SUMF1: variants seen among roughly 807,000 people sequenced by gnomAD.
SUMF1 encodes the protein formylglycine-generating enzyme.
A neutral mutation model predicts 47.6 loss-of-function variants in SUMF1; 48 were observed. The observed-to-expected ratio is 1.01, with a 90% CI of 0.80 to 1.28. The LOEUF is 1.28. SUMF1 is among the 50% of genes most tolerant of loss of function. The pLI is 0.00. For synonymous variants in SUMF1, 230 were observed against 192.1 expected, an observed-to-expected ratio of 1.20 and a Z score of -1.63; for missense variants, 571 against 485.4, an observed-to-expected ratio of 1.18 and a Z score of -1.66.
chr3:4,435,216 C>T (rs1056361610), intron 3 of SUMF1, among the ~76,000 whole-genome samples: 4 of 152,076 alleles, frequency 2.6e-5, no homozygotes, highest in African/African-American at 9.7e-5. Flanking sequence ...CTTGAGCCAC[C>T]GGGCCCAGAC....
intron 8 of SUMF1, among the ~76,000 whole-genome samples, chr3:4,101,568 G>A (rs1325488474): frequency 6.6e-6 from 1 of 152,050 alleles, no homozygotes; most frequent in Non-Finnish European, 1.5e-5. Context: ...GATAAGTTCT[G>A]GTGTTCTATT....
chr3:4,342,433 T>C (rs1699290793), intron 8 of SUMF1, among the ~76,000 whole-genome samples: 1 of 152,200 alleles, frequency 6.6e-6, no homozygotes, highest in Admixed American at 6.5e-5. Flanking sequence ...CTTGGGAGGC[T>C]GAGGCATAAG....
chr3:4,126,558 T>C (rs1408972502), intron 8 of SUMF1, among the ~76,000 whole-genome samples: 1 of 152,086 alleles, frequency 6.6e-6, no homozygotes, highest in African/African-American at 2.4e-5. Context: ...CCTTTGATTG[T>C]TAGAAGCAGA....
rs181628116 is a variant in SUMF1 at position 4,177,744 on chromosome 3, A to C, written c.1015-108999T>G. Among the ~76,000 whole-genome samples the C allele has an allele frequency of 2.6e-5, 4 of 152,288 alleles. No homozygotes were observed. In the East Asian group the frequency reaches 7.7e-4, roughly 29 times the overall value. ...AAAAACCATTCAAAAAAATCAGTGA[A>C]TCCAGGAGCTGGTTTTTTGAAAAGA... is the stretch of plus-strand genomic sequence containing the variant. On this transcript the variant is annotated intron_variant and NMD_transcript_variant, in intron 8 of 12. Transcript: ENST00000448413.
intron 8 of SUMF1, among the ~76,000 whole-genome samples, chr3:4,347,523 G>T (rs908560114): frequency 1.8e-4 from 27 of 152,216 alleles, no homozygotes; most frequent in African/African-American, 6.0e-4. Flanking sequence ...GGTATTGATG[G>T]AACATATTTC....
chr3:4,272,934 G>A (rs529838857), intron 8 of SUMF1, among the ~76,000 whole-genome samples: 1 of 152,024 alleles, frequency 6.6e-6, no homozygotes, highest in South Asian at 2.1e-4. Flanking sequence ...AATTAGCGAG[G>A]CATCGTGTTA....
At chr3:4,432,667 T>C (rs1026104958) in intron 3 of SUMF1, among the ~76,000 whole-genome samples, 31 of 152,342 alleles carry the variant, frequency 2.0e-4, no homozygotes, top group African/African-American at 7.2e-4. Flanking sequence ...AACTGCATTA[T>C]ACTCTAATCA....
intron 8 of SUMF1, among the ~76,000 whole-genome samples, chr3:4,252,896 G>A (rs1253522035): frequency 6.6e-6 from 1 of 152,132 alleles, no homozygotes; most frequent in Admixed American, 6.6e-5. Context: ...AAACAAATGT[G>A]ATCCTGGTGT....
At chr3:4,450,809 C>T (rs1280875818) in intron 2 of SUMF1, among the ~76,000 whole-genome samples, 3 of 152,004 alleles carry the variant, frequency 2.0e-5, no homozygotes, top group African/African-American at 7.2e-5. Context: ...AAGAGGACTG[C>T]GAATTCCAAG....
chr3:4,420,269 C>T (rs1701848939), intron 3 of SUMF1, 123 bp from the exon 4 acceptor site: 2 of 752,896 alleles, frequency 2.7e-6, no homozygotes, highest in Non-Finnish European at 4.8e-6. Flanking sequence ...CAAACAAATA[C>T]ATTTGCCAGA....
chr3:4,386,812 A>G (rs1323549532), intron 7 of SUMF1, among the ~76,000 whole-genome samples: 2 of 151,610 alleles, frequency 1.3e-5, no homozygotes, highest in Non-Finnish European at 2.9e-5. Flanking sequence ...TTTGTTATAA[A>G]TGAGTGTTGA....
chr3:4,072,707 T>G (rs1340476578), intron 8 of SUMF1, among the ~76,000 whole-genome samples: 2 of 151,956 alleles, frequency 1.3e-5, no homozygotes, highest in Non-Finnish European at 2.9e-5. Flanking sequence ...CAATAGCTGA[T>G]TCGATCAAGC....
At chr3:4,107,702 C>G (rs1693190706) in intron 8 of SUMF1, among the ~76,000 whole-genome samples, 1 of 152,060 alleles carries the variant, frequency 6.6e-6, no homozygotes, top group African/African-American at 2.4e-5. Flanking sequence ...TCGGTAATAG[C>G]AGCACTTTGG....
chr3:4,260,544 G>C (rs952981105), intron 8 of SUMF1, among the ~76,000 whole-genome samples: 1 of 152,096 alleles, frequency 6.6e-6, no homozygotes, highest in Non-Finnish European at 1.5e-5. Context: ...GGATAAACCT[G>C]GGCATAACGT....
At chr3:4,320,720 A>G (rs999190521) in intron 8 of SUMF1, among the ~76,000 whole-genome samples, 3 of 152,208 alleles carry the variant, frequency 2.0e-5, no homozygotes, top group Non-Finnish European at 4.4e-5. Context: ...ACAACTTTTA[A>G]TCTCCTCTGG....
intron 8 of SUMF1, among the ~76,000 whole-genome samples, chr3:4,130,884 C>G (rs1693772523): frequency 6.6e-6 from 1 of 152,086 alleles, no homozygotes; most frequent in South Asian, 2.1e-4. Context: ...GGTTTGCAAG[C>G]TGCTCTGCCA....
intron 8 of SUMF1, among the ~76,000 whole-genome samples, chr3:4,351,548 G>A (rs559247655): frequency 5.9e-5 from 9 of 152,276 alleles, no homozygotes; most frequent in African/African-American, 1.4e-4. Flanking sequence ...TGCCTGGAAC[G>A]AATGAGCTGA....
chr3:4,056,645 T>C (rs1023880496), intron 9 of SUMF1, among the ~76,000 whole-genome samples: 1 of 152,070 alleles, frequency 6.6e-6, no homozygotes, highest in Non-Finnish European at 1.5e-5. Flanking sequence ...GGTGACAGAG[T>C]GAGACGTCTC....
chr3:4,246,202 T>C (rs1332783172), intron 8 of SUMF1, among the ~76,000 whole-genome samples: 1 of 152,150 alleles, frequency 6.6e-6, no homozygotes, highest in Non-Finnish European at 1.5e-5. Context: ...AATCCTCTGA[T>C]CCCTTGTGCT....
Sources: allele counts gnomAD v4.1 joint callset (sites outside exome capture counted in the v4.1 genomes callset), GRCh38; gene constraint gnomAD v4.1.1; transcripts MANE v1.5; gene names NCBI Gene and HGNC (gene_info 2026-07-23, HGNC 2026-07-21).